Variants in SYT9 observed in about 807,000 individuals in gnomAD.
SYT9 encodes the protein synaptotagmin-9.
Under a neutral mutation model 48.4 loss-of-function variants are expected in SYT9, and 22 were observed. The ratio of observed to expected loss-of-function variants is 0.45; its 90% CI spans 0.32 to 0.65. The LOEUF is 0.65. Among genes scored for constraint, SYT9 ranks in the 30% least tolerant of loss-of-function variants. The pLI is 0.03. For missense variants in SYT9, 577 were observed against 622.0 expected, an observed-to-expected ratio of 0.93 and a Z score of 0.77; for synonymous variants, 265 against 245.0, an observed-to-expected ratio of 1.08 and a Z score of -0.76.
chr11:7,351,387 G>A (rs1180742960), intron 3 of SYT9, among the ~76,000 whole-genome samples: 4 of 152,182 alleles, frequency 2.6e-5, no homozygotes, highest in Non-Finnish European at 5.9e-5. Flanking sequence ...CAGCCTGTCC[G>A]ATGGCAGCCA....
chr11:7,456,139 T>A (rs12797106), intron 6 of SYT9, among the ~76,000 whole-genome samples: 1 of 152,258 alleles, frequency 6.6e-6, no homozygotes, highest in Non-Finnish European at 1.5e-5. Context: ...GATACATCTG[T>A]CTTCTCTCCT....
intron 1 of SYT9, among the ~76,000 whole-genome samples, chr11:7,283,624 T>A (rs1848543277): frequency 6.6e-6 from 1 of 151,738 alleles, no homozygotes; most frequent in Non-Finnish European, 1.5e-5. Context: ...CAGTTTTTGG[T>A]TTAACTGACT....
chr11:7,436,657 TTGA>T (rs1847717310), intron 6 of SYT9, among the ~76,000 whole-genome samples: 1 of 152,214 alleles, frequency 6.6e-6, no homozygotes, highest in East Asian at 1.9e-4. Context: ...GCCAAATTCT[TTGA>T]TGAAGTCAAA....
At chr11:7,453,070 C>T (rs1324523152) in intron 6 of SYT9, among the ~76,000 whole-genome samples, 1 of 151,858 alleles carries the variant, frequency 6.6e-6, no homozygotes, top group Non-Finnish European at 1.5e-5. Context: ...GTGTGAGCCA[C>T]CGCGCCCGGC....
At chr11:7,275,516 C>T (rs1848371598) in intron 1 of SYT9, among the ~76,000 whole-genome samples, 1 of 152,170 alleles carries the variant, frequency 6.6e-6, no homozygotes, top group Non-Finnish European at 1.5e-5. Flanking sequence ...CTTCTACTTG[C>T]CCCTTAAATG....
At chr11:7,293,100 T>C (rs139103008) in intron 1 of SYT9, among the ~76,000 whole-genome samples, 33 of 152,294 alleles carry the variant, frequency 2.2e-4, no homozygotes, top group African/African-American at 7.9e-4. Context: ...CTGGTCACGC[T>C]GATGAGACAG....
intron 1 of SYT9, among the ~76,000 whole-genome samples, chr11:7,292,192 G>A (rs574886967): frequency 1.1e-4 from 17 of 152,278 alleles, no homozygotes; most frequent in Admixed American, 5.2e-4. Flanking sequence ...CAGCCTTTTG[G>A]TCTTGTTCCA....
intron 1 of SYT9, among the ~76,000 whole-genome samples, chr11:7,242,193 C>T (rs1564833663): frequency 6.6e-6 from 1 of 152,226 alleles, no homozygotes; most frequent in South Asian, 2.1e-4. Context: ...CCCTGCCCAT[C>T]CTCAGAAGTA....
intron 3 of SYT9, among the ~76,000 whole-genome samples, chr11:7,413,808 A>G (rs1727586165): frequency 6.6e-6 from 1 of 151,184 alleles, no homozygotes; most frequent in Admixed American, 6.6e-5. Context: ...AGATTGCCTA[A>G]GCTGTACTTG....
chr11:7,345,009 T>C (rs1167944676), intron 3 of SYT9, among the ~76,000 whole-genome samples: 1 of 152,092 alleles, frequency 6.6e-6, no homozygotes, highest in Non-Finnish European at 1.5e-5. Context: ...CACTTTCTAT[T>C]ATTTGGAAAT....
At chr11:7,278,667 A>C (rs1252126290) in intron 1 of SYT9, among the ~76,000 whole-genome samples, 1 of 152,200 alleles carries the variant, frequency 6.6e-6, no homozygotes, top group Non-Finnish European at 1.5e-5. Flanking sequence ...ATACGGAGAA[A>C]ATTTTGAATG....
intron 6 of SYT9, among the ~76,000 whole-genome samples, chr11:7,455,318 T>G (rs2134153040): frequency 6.7e-6 from 1 of 150,156 alleles, no homozygotes; most frequent in East Asian, 1.9e-4. Flanking sequence ...CCATACAACA[T>G]TCCAATGTTT....
At chr11:7,434,349 G>GCT (rs1485237667) in intron 6 of SYT9, among the ~76,000 whole-genome samples, 1 of 152,204 alleles carries the variant, frequency 6.6e-6, no homozygotes, top group Non-Finnish European at 1.5e-5. Flanking sequence ...AGTGAGTGGG[G>GCT]CTCTCTATGG....
chr11:7,394,038 G>A (rs976810491), intron 3 of SYT9, among the ~76,000 whole-genome samples: 7 of 151,150 alleles, frequency 4.6e-5, no homozygotes, highest in African/African-American at 1.7e-4. Context: ...GTATAGATGT[G>A]CCATGTTTGT....
intron 3 of SYT9, among the ~76,000 whole-genome samples, chr11:7,401,362 T>A (rs1846889960): frequency 6.6e-6 from 1 of 151,134 alleles, no homozygotes; most frequent in Admixed American, 6.6e-5. Flanking sequence ...ATGCAAATAT[T>A]TCAAAATCCA....
chr11:7,344,633 A>G (rs1432158249), intron 3 of SYT9, among the ~76,000 whole-genome samples: 2 of 152,198 alleles, frequency 1.3e-5, no homozygotes, highest in African/African-American at 4.8e-5. Context: ...TGTGTATACT[A>G]TAAAGTTGTT....
At chr11:7,349,804 A>T (rs958820689) in intron 3 of SYT9, among the ~76,000 whole-genome samples, 1 of 152,242 alleles carries the variant, frequency 6.6e-6, no homozygotes, top group African/African-American at 2.4e-5. Context: ...TAAAGGTGAG[A>T]TAGCATTTAA....
intron 1 of SYT9, among the ~76,000 whole-genome samples, chr11:7,264,996 A>T (rs955772355): frequency 2.0e-5 from 3 of 152,286 alleles, no homozygotes; most frequent in Admixed American, 6.5e-5. Flanking sequence ...AGAAAACAGC[A>T]GCAGGCAGTA....
intron 5 of SYT9, among the ~76,000 whole-genome samples, chr11:7,418,538 C>T (rs561888577): frequency 1.3e-5 from 2 of 152,348 alleles, no homozygotes; most frequent in South Asian, 2.1e-4. Context: ...TTACTTTCGC[C>T]AGACCATCAA....
Sources: allele counts gnomAD v4.1 joint callset (sites outside exome capture counted in the v4.1 genomes callset), GRCh38; gene constraint gnomAD v4.1.1; transcripts MANE v1.5; gene names NCBI Gene and HGNC (gene_info 2026-07-23, HGNC 2026-07-21).